Variants in MACROD2 observed in about 807,000 individuals in gnomAD.
MACROD2 encodes ADP-ribose glycohydrolase MACROD2.
Under a neutral mutation model 70.4 loss-of-function variants are expected in MACROD2, and 36 were observed. The observed-to-expected ratio is 0.51, with a 90% CI of 0.39 to 0.68. The LOEUF is 0.68. Among genes scored for constraint, MACROD2 ranks in the 30% least tolerant of loss-of-function variants. The pLI is 0.00. For synonymous variants in MACROD2, 172 were observed against 178.8 expected, an observed-to-expected ratio of 0.96 and a Z score of 0.30; for missense variants, 496 against 538.4, an observed-to-expected ratio of 0.92 and a Z score of 0.78.
At chr20:14,758,388 CT>C (rs2071969978) in intron 5 of MACROD2, among the ~76,000 whole-genome samples, 1 of 152,102 alleles carries the variant, frequency 6.6e-6, no homozygotes, top group Non-Finnish European at 1.5e-5. Context: ...GAATGCTTCC[CT>C]GAGCTTCACG....
Position 14,990,196 on chromosome 20 carries a change from C to A in MACROD2, c.419-239744C>A, listed in dbSNP as rs189121345. On this transcript the variant is annotated intron_variant, in intron 5 of 17. Coordinates refer to ENST00000684519, the MANE Select transcript of MACROD2 (RefSeq NM_001351661.2). ...CACATTTCCAAAACCCCTATGTCAA[C>A]GAATGGGTTTTGGAAATGTGATCAG... 7.2e-5 allele frequency among the ~76,000 whole-genome samples: 11 copies of A among 152,092 alleles called. No individual in the cohort carries two copies. The East Asian group carries it at 1.9e-3, about 27-fold the overall frequency.
intron 5 of MACROD2, among the ~76,000 whole-genome samples, chr20:15,117,008 AGTTT>A (rs2075996536): frequency 6.6e-6 from 1 of 152,044 alleles, no homozygotes; most frequent in East Asian, 1.9e-4. Context: ...TTTTTTTCTT[AGTTT>A]AATTTATTGA....
In MACROD2 at chr20:15,059,698, C is replaced by T. The variant is rs192977210; in HGVS notation, c.419-170242C>T. Reference sequence around the variant, plus strand: ...CAAGATGGAAAGCTGGATATTTTTACCCAACATATAGGAATTTCATGTGAC... The same window carrying T: ...CAAGATGGAAAGCTGGATATTTTTATCCAACATATAGGAATTTCATGTGAC... On this transcript the variant is annotated intron_variant, in intron 5 of 17. Transcript: ENST00000684519. Among the ~76,000 whole-genome samples the T allele has an allele frequency of 4.9e-3, 747 of 152,238 alleles. 6 individuals are homozygous for T. The highest frequency in any genetic ancestry group is 8.6e-3 in the Non-Finnish European group (582 of 68,028).
chr20:15,494,420 G>A (rs1417302698), intron 7 of MACROD2, among the ~76,000 whole-genome samples: 1 of 152,064 alleles, frequency 6.6e-6, no homozygotes, highest in Admixed American at 6.6e-5. Flanking sequence ...ACTGGGAATA[G>A]TCTAGTTGTT....
At chr20:15,910,272 G>A (rs752139297) in intron 10 of MACROD2, among the ~76,000 whole-genome samples, 1 of 152,156 alleles carries the variant, frequency 6.6e-6, no homozygotes, top group Non-Finnish European at 1.5e-5. Flanking sequence ...CAAGTCCTCA[G>A]TGGCACCAAG....
intron 15 of MACROD2, among the ~76,000 whole-genome samples, chr20:16,038,521 GT>G (rs2067264399): frequency 7.8e-6 from 1 of 127,722 alleles, no homozygotes; most frequent in East Asian, 2.5e-4. Context: ...TTCTTAACTT[GT>G]TTTTGTGGGG....
At chr20:15,223,905 C>A (rs1287099288) in intron 5 of MACROD2, among the ~76,000 whole-genome samples, 1 of 152,130 alleles carries the variant, frequency 6.6e-6, no homozygotes, top group African/African-American at 2.4e-5. Flanking sequence ...GACTCCCAAG[C>A]CTGTGTTATA....
chr20:15,174,686 G>A (rs1183171788), intron 5 of MACROD2, among the ~76,000 whole-genome samples: 9 of 152,142 alleles, frequency 5.9e-5, no homozygotes, highest in Non-Finnish European at 1.2e-4. Context: ...ACTTTTTAAT[G>A]ATCACCATTC....
intron 5 of MACROD2, among the ~76,000 whole-genome samples, chr20:14,865,111 G>T (rs1037509178): frequency 1.3e-5 from 2 of 152,040 alleles, no homozygotes; most frequent in African/African-American, 4.8e-5. Flanking sequence ...ACCTCCCACA[G>T]GCTGCATTTC....
chr20:15,308,601 T>C (rs2077721307), intron 6 of MACROD2, among the ~76,000 whole-genome samples: 1 of 152,226 alleles, frequency 6.6e-6, no homozygotes, highest in African/African-American at 2.4e-5. Context: ...ATTTACACTC[T>C]TTTAATGGCT....
chr20:15,247,692 GC>G (rs1175843239), intron 6 of MACROD2, among the ~76,000 whole-genome samples: 37 of 151,874 alleles, frequency 2.4e-4, no homozygotes, highest in African/African-American at 8.5e-4. Flanking sequence ...TAATAAATGA[GC>G]TTTGACAGAT....
intron 4 of MACROD2, among the ~76,000 whole-genome samples, chr20:14,509,002 A>G (rs1022723673): frequency 1.3e-5 from 2 of 152,172 alleles, no homozygotes; most frequent in Non-Finnish European, 2.9e-5. Flanking sequence ...CACTCAATGG[A>G]ATCATATGCA....
intron 4 of MACROD2, among the ~76,000 whole-genome samples, chr20:14,538,834 A>T (rs1490744952): frequency 6.6e-6 from 1 of 152,134 alleles, no homozygotes; most frequent in African/African-American, 2.4e-5. Context: ...TATAGCATGT[A>T]TCCCATTCTG....
intron 4 of MACROD2, among the ~76,000 whole-genome samples, chr20:14,598,155 A>G (rs2123397017): frequency 6.6e-6 from 1 of 152,270 alleles, no homozygotes; most frequent in Middle Eastern, 3.4e-3. Context: ...CACTATGTTC[A>G]TTGGCAGACT....
intron 5 of MACROD2, among the ~76,000 whole-genome samples, chr20:14,800,944 C>T (rs564566090): frequency 6.6e-6 from 1 of 152,236 alleles, no homozygotes; most frequent in South Asian, 2.1e-4. Flanking sequence ...CATGTGGACA[C>T]ATATGGTTAC....
intron 2 of MACROD2, 32 bp downstream of exon 2, chr20:14,002,436 A>G (rs1012200164): frequency 1.5e-6 from 2 of 1,364,692 alleles, no homozygotes; most frequent in African/African-American, 1.5e-5. Flanking sequence ...TTAGGTAGAT[A>G]TTTTTCCCAT....
chr20:14,212,996 A>G (rs1711865733), intron 3 of MACROD2, among the ~76,000 whole-genome samples: 1 of 151,910 alleles, frequency 6.6e-6, no homozygotes, highest in African/African-American at 2.4e-5. Context: ...ACATCACGCA[A>G]CAACAGAATG....
intron 8 of MACROD2, among the ~76,000 whole-genome samples, chr20:15,715,447 G>A (rs1478832194): frequency 1.3e-5 from 2 of 152,038 alleles, no homozygotes; most frequent in Non-Finnish European, 2.9e-5. Flanking sequence ...AAAACTTATA[G>A]TATTAAAATG....
intron 13 of MACROD2, among the ~76,000 whole-genome samples, chr20:15,980,754 T>C (rs1383768758): frequency 6.6e-6 from 1 of 152,250 alleles, no homozygotes; most frequent in Non-Finnish European, 1.5e-5. Context: ...AAATTTCTTA[T>C]AGACTTCTCT....
Sources: gnomAD v4.1 joint callset for allele counts (sites outside exome capture counted in the v4.1 genomes callset) on GRCh38, gnomAD v4.1.1 for gene constraint, MANE v1.5 for transcripts, NCBI Gene and HGNC (gene_info 2026-07-23, HGNC 2026-07-21) for gene names.